The following PHF24 variants were observed in gnomAD, a reference collection of about 807,000 sequenced individuals.
PHF24 encodes Galpha inhibitory interacting protein.
Under a neutral mutation model 42.6 loss-of-function variants are expected in PHF24, and 25 were observed. The observed-to-expected ratio is 0.59, with a 90% CI of 0.43 to 0.82. PHF24 has a LOEUF of 0.82. Ranked by LOEUF, PHF24 falls within the 40% of genes least tolerant of loss-of-function variation. The probability of loss-of-function intolerance (pLI) is 0.00; values close to 1 mark genes in which losing one functional copy is unlikely to be tolerated. For missense variants in PHF24, 470 were observed against 538.1 expected, an observed-to-expected ratio of 0.87 and a Z score of 1.25; for synonymous variants, 185 against 204.8, an observed-to-expected ratio of 0.90 and a Z score of 0.83.
the PHF24 span, among the ~76,000 whole-genome samples, chr9:34,815,775 G>A: frequency 6.6e-6 from 1 of 152,168 alleles, no homozygotes; most frequent in Non-Finnish European, 1.5e-5. Flanking sequence ...AGTGAATTTA[G>A]TATGTTTCCA....
chr9:34,689,514 A>T, the PHF24 span: 3 of 309,960 alleles, frequency 9.7e-6, no homozygotes, highest in Non-Finnish European at 1.2e-5. The surrounding 1 kb of genome is among the most constrained non-coding windows in gnomAD (Gnocchi z 4.1). Context: ...TTTTAAGGCT[A>T]GTTAAGCAGT....
chr9:34,886,754 A>ATCTGTCTGTCTGTCTG, the PHF24 span, among the ~76,000 whole-genome samples: 3 of 147,546 alleles, frequency 2.0e-5, no homozygotes, highest in Admixed American at 6.8e-5. Flanking sequence ...CTATCTATCT[A>ATCTGTCTGTCTGTCTG]TCTGTCTGTC....
At chr9:34,676,103 C>T in the PHF24 span, among the ~76,000 whole-genome samples, 17 of 152,162 alleles carry the variant, frequency 1.1e-4, no homozygotes, top group Non-Finnish European at 2.4e-4. Context: ...TGAAAAATTC[C>T]TGAGGAAGGA....
chr9:34,709,580 C>T, the PHF24 span: 363 of 1,614,194 alleles, frequency 2.2e-4, 1 homozygote, highest in Middle Eastern at 3.3e-4. Context: ...GGGCTGGTTT[C>T]TGTGGGGATG....
the PHF24 span, among the ~76,000 whole-genome samples, chr9:34,693,148 CCT>C: frequency 2.0e-5 from 3 of 152,162 alleles, no homozygotes; most frequent in Non-Finnish European, 4.4e-5. Flanking sequence ...TCCATCCACC[CCT>C]CTTTCCATTG....
At chr9:34,779,532 T>G in the PHF24 span, among the ~76,000 whole-genome samples, 10 of 152,142 alleles carry the variant, frequency 6.6e-5, no homozygotes, top group Admixed American at 6.5e-4. Context: ...AGATGAAATT[T>G]TAAGAGACCC....
At chr9:34,686,382 T>C in the PHF24 span, among the ~76,000 whole-genome samples, 1 of 152,162 alleles carries the variant, frequency 6.6e-6, no homozygotes, top group Non-Finnish European at 1.5e-5. Context: ...ACAACAGAGA[T>C]AGCCCCAGCT....
At chr9:34,667,690 G>A in the PHF24 span, among the ~76,000 whole-genome samples, 25 of 152,340 alleles carry the variant, frequency 1.6e-4, 1 homozygote, top group South Asian at 2.7e-3. Flanking sequence ...CAGGACTGGG[G>A]AGGGCCAGGC....
At chr9:34,878,840 C>G in the PHF24 span, among the ~76,000 whole-genome samples, 1 of 152,234 alleles carries the variant, frequency 6.6e-6, no homozygotes, top group Non-Finnish European at 1.5e-5. Flanking sequence ...TTAAACATCC[C>G]TGTCTGACAG....
At chr9:34,935,963 G>A in the PHF24 span, among the ~76,000 whole-genome samples, 9 of 151,632 alleles carry the variant, frequency 5.9e-5, no homozygotes, top group Admixed American at 3.9e-4. Flanking sequence ...AGTGATTCCC[G>A]TGCCAAGTAT....
chr9:34,918,199 C>A, the PHF24 span: 4 of 1,460,950 alleles, frequency 2.7e-6, no homozygotes, highest in Non-Finnish European at 9.6e-7. Context: ...GACCATCACC[C>A]CTCTGCCAAC....
chr9:34,709,066 A>T, the PHF24 span: 1 of 418,728 alleles, frequency 2.4e-6, no homozygotes, highest in Non-Finnish European at 4.3e-6. Context: ...TACAAGGAAG[A>T]GGTGGGGTGT....
chr9:34,895,064 T>C, the PHF24 span: 1 of 398,422 alleles, frequency 2.5e-6, no homozygotes, highest in African/African-American at 2.1e-5. Context: ...CTCCAGACTT[T>C]TGTTGGACTC....
the PHF24 span, among the ~76,000 whole-genome samples, chr9:34,772,405 A>G: frequency 6.6e-6 from 1 of 152,238 alleles, no homozygotes; most frequent in East Asian, 1.9e-4. Flanking sequence ...AAAACTGGAA[A>G]CAACCTACGT....
the PHF24 span, among the ~76,000 whole-genome samples, chr9:34,930,567 C>T: frequency 2.0e-5 from 3 of 152,158 alleles, no homozygotes; most frequent in African/African-American, 7.2e-5. Context: ...AATGCATTTT[C>T]ACAAAGATCA....
exon 6 of PHF24, chr9:34,977,135 C>G (rs367738071): frequency 1.2e-6 from 2 of 1,613,358 alleles, no homozygotes; most frequent in Non-Finnish European, 1.7e-6. Flanking sequence ...GCCCGAGCCG[C>G]CTTCCTGGCT....
the PHF24 span, among the ~76,000 whole-genome samples, chr9:34,697,527 C>T: frequency 2.0e-5 from 3 of 152,114 alleles, no homozygotes; most frequent in Non-Finnish European, 2.9e-5. Flanking sequence ...ATCATGTTGG[C>T]CAGGCTGGTC....
chr9:34,699,482 C>T, the PHF24 span, among the ~76,000 whole-genome samples: 1 of 152,222 alleles, frequency 6.6e-6, no homozygotes, highest in South Asian at 2.1e-4. Context: ...TGCAACAACC[C>T]TGCTCTCACC....
chr9:34,933,199 ATATTG>A, the PHF24 span, among the ~76,000 whole-genome samples: 2 of 152,176 alleles, frequency 1.3e-5, no homozygotes, highest in African/African-American at 4.8e-5. Flanking sequence ...CAATCAATAA[ATATTG>A]CTGAACAAGT....
Sources: gnomAD v4.1 joint callset for allele counts (sites outside exome capture counted in the v4.1 genomes callset) on GRCh38, gnomAD v4.1.1 for gene constraint, Gnocchi (gnomAD v3.1) non-coding constraint, MANE v1.5 for transcripts, NCBI Gene and HGNC (gene_info 2026-07-23, HGNC 2026-07-21) for gene names.